The following AGTPBP1 variants were observed in gnomAD, a reference collection of about 807,000 sequenced individuals.
AGTPBP1 encodes ATP/GTP binding carboxypeptidase 1, also known as cytosolic carboxypeptidase 1.
AGTPBP1 carries 70 observed loss-of-function variants against 143.9 expected under a neutral mutation model. That is an observed-to-expected ratio of 0.49 (90% CI 0.40 to 0.59). The LOEUF (loss-of-function observed/expected upper bound fraction) is 0.59. AGTPBP1 is among the 20% of genes least tolerant of loss of function. AGTPBP1 has a pLI of 0.00. For synonymous variants in AGTPBP1, 463 were observed against 500.2 expected (o/e 0.93, Z 0.99); for missense variants, 1,229 against 1,464.5 (o/e 0.84, Z 2.62).
intron 14 of AGTPBP1, among the ~76,000 whole-genome samples, chr9:85,632,001 T>C (rs929573035): frequency 1.4e-4 from 21 of 152,286 alleles, no homozygotes; most frequent in Middle Eastern, 3.4e-3. Context: ...CCAATTAAAA[T>C]TGCAAACTTT....
intron 5 of AGTPBP1, 32 bp from the exon 6 acceptor site, chr9:85,677,614 A>G (rs1233721665): frequency 4.8e-6 from 7 of 1,467,082 alleles, no homozygotes; most frequent in Non-Finnish European, 6.3e-6. Flanking sequence ...AATTTAAACA[A>G]CAAATTAAAA....
At position 85,621,235 on chromosome 9, in the gene AGTPBP1, A is replaced by G. The variant is rs201128102; in HGVS notation, c.2066T>C (p.Ile689Thr). 60 of 1,472,902 alleles carry G rather than the reference A, an allele frequency of 4.1e-5. No individual in the cohort carries two copies. The Middle Eastern group carries it at 2.0e-3, about 48-fold the overall frequency. The allele number at this position is 1,472,902 out of a possible 1,614,324, so 91.2% of individuals were successfully genotyped here. A position where few individuals can be genotyped will look rare whatever the true frequency, so the allele number is the denominator to read the frequency against. The change falls in exon 15 of 26, where the codon ATA becomes ACA. Residue 689 changes from isoleucine to threonine, a missense_variant. This residue lies in a region of AGTPBP1 where 743 missense variants were observed against 812.2 expected (regional missense o/e 0.91). Coordinates refer to ENST00000357081, the MANE Select transcript of AGTPBP1 (RefSeq NM_001330701.2). Reference sequence around the variant, plus strand: ...ATCCAAGTCATATACCACACGATCTATGATATCACTCTGATGTATTAGCCT... The same window carrying G: ...ATCCAAGTCATATACCACACGATCTGTGATATCACTCTGATGTATTAGCCT... ...IERLIHQSDI[I>T]DRVVYDLDNP...
the AGTPBP1 span, among the ~76,000 whole-genome samples, chr9:85,788,686 A>G: frequency 6.7e-6 from 1 of 149,598 alleles, no homozygotes; most frequent in Non-Finnish European, 1.5e-5. Context: ...TTGTATATAG[A>G]TATAGATATA....
At chr9:85,608,007 T>C (rs1191120172) in intron 17 of AGTPBP1, among the ~76,000 whole-genome samples, 1 of 152,046 alleles carries the variant, frequency 6.6e-6, no homozygotes, top group Non-Finnish European at 1.5e-5. Flanking sequence ...TGATTTTTCA[T>C]CCCAACCAAA....
chr9:85,743,031 A>G (rs1564206521), upstream of AGTPBP1, among the ~76,000 whole-genome samples: 1 of 152,234 alleles, frequency 6.6e-6, no homozygotes, highest in Non-Finnish European at 1.5e-5. Flanking sequence ...TCAGATGAAC[A>G]AGAAACTGCC....
intron 1 of AGTPBP1, among the ~76,000 whole-genome samples, chr9:85,720,015 T>A (rs1031448157): frequency 7.2e-4 from 110 of 152,322 alleles, no homozygotes; most frequent in African/African-American, 2.6e-3. Context: ...TGAAGCCAAC[T>A]TGATTGTGGT....
At chr9:85,563,032 C>G (rs866125301) in intron 25 of AGTPBP1, among the ~76,000 whole-genome samples, 8 of 152,272 alleles carry the variant, frequency 5.3e-5, no homozygotes, top group South Asian at 2.1e-4. Flanking sequence ...GAACAAGGCC[C>G]TCCCCAGACA....
upstream of AGTPBP1, among the ~76,000 whole-genome samples, chr9:85,746,890 G>A (rs1341098985): frequency 6.6e-6 from 1 of 151,878 alleles, no homozygotes; most frequent in Non-Finnish European, 1.5e-5. Flanking sequence ...TTTGAGACAG[G>A]GTCTCACTCT....
chr9:85,592,806 G>C, intron 18 of AGTPBP1, 102 bp from the exon 19 acceptor site: 1 of 1,412,870 alleles, frequency 7.1e-7, no homozygotes, highest in Non-Finnish European at 9.7e-7. Context: ...AGAAAAACCC[G>C]AGTCTGTAAA....
intron 2 of AGTPBP1, 113 bp from the exon 3 acceptor site, chr9:85,692,926 A>ACACGT: frequency 8.4e-7 from 1 of 1,190,606 alleles, no homozygotes; most frequent in South Asian, 1.5e-5. Flanking sequence ...GAAAGCATTT[A>ACACGT]CACGTCGCAC....
At chr9:85,795,104 A>C in the AGTPBP1 span, among the ~76,000 whole-genome samples, 1 of 152,094 alleles carries the variant, frequency 6.6e-6, no homozygotes, top group African/African-American at 2.4e-5. Context: ...GTTGTTGATA[A>C]AATTTTAGCT....
At chr9:85,654,842 C>CA (rs892734076) in intron 11 of AGTPBP1, among the ~76,000 whole-genome samples, 92 of 136,078 alleles carry the variant, frequency 6.8e-4, no homozygotes, top group Non-Finnish European at 1.2e-3. Flanking sequence ...GACTCTGTCT[C>CA]AAAAAAAAAA....
At chr9:85,626,448 A>C (rs1831300421) in intron 14 of AGTPBP1, among the ~76,000 whole-genome samples, 1 of 152,214 alleles carries the variant, frequency 6.6e-6, no homozygotes, top group Admixed American at 6.5e-5. Flanking sequence ...TTTACAATGC[A>C]TTCAGGTAGG....
chr9:85,697,279 G>A (rs182082687), intron 2 of AGTPBP1, among the ~76,000 whole-genome samples: 1 of 151,942 alleles, frequency 6.6e-6, no homozygotes, highest in East Asian at 1.9e-4. Context: ...AATAAGATCT[G>A]CAAAAATGTA....
chr9:85,770,611 A>G, the AGTPBP1 span: 1 of 582,268 alleles, frequency 1.7e-6, no homozygotes, highest in East Asian at 2.8e-5. Context: ...TGTAACTACA[A>G]ATTTGAGCAT....
At chr9:85,608,405 T>C (rs1175337281) in intron 17 of AGTPBP1, among the ~76,000 whole-genome samples, 3 of 152,100 alleles carry the variant, frequency 2.0e-5, no homozygotes, top group East Asian at 3.9e-4. Flanking sequence ...GATAGAACAA[T>C]TGAACAAGAA....
chr9:85,727,467 C>A (rs528335858), intron 1 of AGTPBP1, among the ~76,000 whole-genome samples: 3 of 152,196 alleles, frequency 2.0e-5, no homozygotes, highest in Non-Finnish European at 2.9e-5. Context: ...TAAAAACCTG[C>A]TCATTCAACA....
intron 17 of AGTPBP1, among the ~76,000 whole-genome samples, chr9:85,598,459 C>A (rs1284636637): frequency 2.6e-5 from 4 of 152,132 alleles, no homozygotes; most frequent in Non-Finnish European, 4.4e-5. Context: ...TATTCAAATT[C>A]TCTATAGCCT....
chr9:85,576,702 T>A (rs889065605), intron 24 of AGTPBP1, among the ~76,000 whole-genome samples: 1 of 152,204 alleles, frequency 6.6e-6, no homozygotes, highest in Admixed American at 6.5e-5. Flanking sequence ...GTTTAAGAGA[T>A]GTTAAGTGTG....
Sources: allele counts gnomAD v4.1 joint callset (sites outside exome capture counted in the v4.1 genomes callset), GRCh38; gene constraint gnomAD v4.1.1; regional missense constraint gnomAD v4.1.1; transcripts MANE v1.5; gene names NCBI Gene and HGNC (gene_info 2026-07-23, HGNC 2026-07-21).